Variants in WDR36 observed in about 807,000 individuals in gnomAD.
The protein encoded by WDR36 is WD repeat-containing protein 36.
In WDR36, 63 loss-of-function variants were observed where a neutral mutation model predicts 112.7. That is an observed-to-expected ratio of 0.56 (90% CI 0.46 to 0.69). The LOEUF (loss-of-function observed/expected upper bound fraction) is 0.69. WDR36 is among the 30% of genes least tolerant of loss of function. The pLI is 0.00. For synonymous variants in WDR36, 410 were observed against 362.2 expected, an observed-to-expected ratio of 1.13 and a Z score of -1.50; for missense variants, 1,226 against 1,070.3, an observed-to-expected ratio of 1.15 and a Z score of -2.03.
intron 2 of WDR36, among the ~76,000 whole-genome samples, chr5:111,096,692 A>T (rs138649242): frequency 4.0e-4 from 61 of 152,218 alleles, no homozygotes. Context: ...TGACACAGCA[A>T]GACTCCGTCT....
rs534207330 is a variant in WDR36 at position 111,127,974 on chromosome 5, T to C, written c.*1091T>C. On this transcript the variant is annotated 3_prime_UTR_variant, in exon 23 of 23. Coordinates refer to ENST00000513710, the MANE Select transcript of WDR36 (RefSeq NM_139281.3). Reference sequence around the variant, plus strand: ...ACTTTTTTGGGGGGGACCTTTTAATTTGGGAAGAAAATGCTGAGTATACTT... The same window carrying C: ...ACTTTTTTGGGGGGGACCTTTTAATCTGGGAAGAAAATGCTGAGTATACTT... The C allele has an allele frequency of 4.8e-6, 1 of 206,282 alleles. No homozygotes were observed. Among genetic ancestry groups the C allele is most frequent in the African/African-American group, 2.3e-5 (1 of 43,884 alleles). 12.8% of individuals were successfully genotyped at this position (206,282 alleles called of 1,614,324 possible).
intron 2 of WDR36, 162 bp from the exon 3 acceptor site, chr5:111,096,917 T>G (rs1752998915): frequency 3.5e-6 from 2 of 564,150 alleles, no homozygotes; most frequent in South Asian, 4.4e-5. Flanking sequence ...CTATTAGATA[T>G]CTAAAATATT....
At chr5:111,123,031 C>T (rs915760194) in intron 19 of WDR36, among the ~76,000 whole-genome samples, 9 of 151,994 alleles carry the variant, frequency 5.9e-5, no homozygotes, top group Admixed American at 2.0e-4. Context: ...ATTGCTTGAA[C>T]CCGGGAGGCG....
Position 111,110,786 on chromosome 5 carries a change from AG to A in WDR36, c.1442-1del. Reference sequence around the variant, plus strand: ...TTTTTTCTTTTGACATCTACCTTACAGCTCACAAGGGATCTGTTAGAGGTGT... The same window carrying A: ...TTTTTTCTTTTGACATCTACCTTACACTCACAAGGGATCTGTTAGAGGTGT... On this transcript the variant is annotated splice_acceptor_variant, in intron 13 of 22. Transcript: ENST00000513710. LOFTEE classifies it high-confidence loss of function. 6.2e-7 allele frequency: 1 copy of A among 1,610,122 alleles called. No homozygotes were observed. Among genetic ancestry groups the A allele is most frequent in the South Asian group, 1.1e-5 (1 of 90,902 alleles).
rs745377435 is a variant in WDR36, at chr5:111,100,659, C to T, written c.480C>T (p.Tyr160=). 1.2e-5 allele frequency: 20 copies of T among 1,607,860 alleles called. No homozygotes were observed. The South Asian group carries it at 2.1e-4, about 17-fold the overall frequency. The change falls in exon 5 of 23, where the codon TAC becomes TAT. Residue 160 remains tyrosine, a synonymous_variant. Coordinates refer to ENST00000513710, the MANE Select transcript of WDR36 (RefSeq NM_139281.3). ...KISAILHPST[Y]LNKILLGSEQ... ...CTGCAATTTTGCATCCAAGTACCTA[C>T]TTGAATAAAATACTTCTGGGCAGTG...
At chr5:111,105,420 AAAC>A in intron 10 of WDR36, 60 bp downstream of exon 10, 1 of 1,474,558 alleles carries the variant, frequency 6.8e-7, no homozygotes, top group Non-Finnish European at 9.5e-7. Flanking sequence ...ACATTCTATG[AAAC>A]AACTGGAGGA....
chr5:111,124,748 T>G (rs1039492509), intron 21 of WDR36, among the ~76,000 whole-genome samples: 1 of 152,206 alleles, frequency 6.6e-6, no homozygotes, highest in African/African-American at 2.4e-5. Flanking sequence ...CCTAATAATT[T>G]TAACTTGTCC....
chr5:111,095,682 T>C (rs1309327014), intron 2 of WDR36, among the ~76,000 whole-genome samples: 1 of 152,210 alleles, frequency 6.6e-6, no homozygotes, highest in Non-Finnish European at 1.5e-5. Flanking sequence ...CACCTGGTTA[T>C]ACATATAGTC....
chr5:111,112,047 C>T (rs1444643031), intron 15 of WDR36, among the ~76,000 whole-genome samples: 1 of 151,784 alleles, frequency 6.6e-6, no homozygotes, highest in Non-Finnish European at 1.5e-5. Flanking sequence ...AAAACATGGT[C>T]AGGACATTGT....
In WDR36 at chr5:111,110,114, A is replaced by C. The variant is rs1361172939; in HGVS notation, c.1327-75A>C. On this transcript the variant is annotated intron_variant, in intron 12 of 22. Transcript: ENST00000513710. ...TAAATAAAAAGGAACAAGTAGATAA[A>C]AAAATGCTTTGGAAAGCATAAAGTG... 9.8e-6 allele frequency: 10 copies of C among 1,019,484 alleles called. No homozygotes were observed. In the East Asian group the frequency reaches 2.4e-4, roughly 25 times the overall value. 63.2% of individuals were successfully genotyped at this position (1,019,484 alleles called of 1,614,324 possible).
chr5:111,099,650 G>A (rs1353764926), intron 4 of WDR36, among the ~76,000 whole-genome samples: 1 of 151,734 alleles, frequency 6.6e-6, no homozygotes, highest in Non-Finnish European at 1.5e-5. Context: ...TAGGTTACAG[G>A]ATCTGGTTCT....
At chr5:111,115,941 C>A (rs1419459518) in intron 16 of WDR36, among the ~76,000 whole-genome samples, 2 of 151,782 alleles carry the variant, frequency 1.3e-5, no homozygotes, top group African/African-American at 2.4e-5. Flanking sequence ...AGATTGAATT[C>A]TTTCTTATTT....
chr5:111,104,209 T>C lies in WDR36; in HGVS notation c.763T>C (p.Cys255Arg), dbSNP rs1753176258. Residue 255 changes from cysteine (C) to arginine (R), a missense_variant, in exon 8 of 23, where the codon TGT becomes CGT. Transcript: ENST00000513710. ...GHPVMAAGSP[C>R]GHIGLWDLED... ...TCCAGTAATGGCAGCTGGAAGCCCA[T>C]GTGGCCATATTGGACTCTGGGATCT... The C allele has an allele frequency of 6.2e-7, 1 of 1,611,484 alleles. No individual in the cohort carries two copies. Among genetic ancestry groups the C allele is most frequent in the Admixed American group, 1.7e-5 (1 of 59,730 alleles).
chr5:111,103,686 C>T (rs1697884585), intron 6 of WDR36, 100 bp from the exon 7 acceptor site: 2 of 1,460,418 alleles, frequency 1.4e-6, no homozygotes, highest in East Asian at 2.3e-5. Flanking sequence ...GAAGATACTT[C>T]ATTATTTCTT....
At chr5:111,096,856 C>T (rs1380559250) in intron 2 of WDR36, among the ~76,000 whole-genome samples, 2 of 152,162 alleles carry the variant, frequency 1.3e-5, no homozygotes, top group South Asian at 2.1e-4. Flanking sequence ...AAATCCTAGA[C>T]ATTCTCTTAG....
chr5:111,125,683 A>G lies in WDR36; in HGVS notation c.2426A>G (p.Asp809Gly). ...ACAGAGCTGCGAAGCTTGTCTCCTG[A>G]TTGTGGTGGGTCCATAGAAGTTATG... ...IETELRSLSP[D>G]CGGSIEVMQS... is the part of the protein sequence containing the mutation. The change falls in exon 22 of 23, where the codon GAT (aspartate) becomes GGT (glycine). Residue 809 changes from aspartate (D) to glycine (G), a missense_variant. Physicochemically the swap from Asp to Gly is moderately conservative, Grantham distance 94 (BLOSUM62 -1). Coordinates refer to ENST00000513710, the MANE Select transcript of WDR36 (RefSeq NM_139281.3). The G allele has an allele frequency of 6.2e-7, 1 of 1,613,912 alleles. No homozygotes were observed. Among genetic ancestry groups the G allele is most frequent in the Non-Finnish European group, 8.5e-7 (1 of 1,179,866 alleles).
chr5:111,105,483 T>A, intron 10 of WDR36, 123 bp downstream of exon 10: 1 of 867,692 alleles, frequency 1.2e-6, no homozygotes. Flanking sequence ...GATAAACATG[T>A]ATGGAAGAGG....
intron 11 of WDR36, among the ~76,000 whole-genome samples, chr5:111,106,623 T>C (rs1223100211): frequency 6.6e-6 from 1 of 151,458 alleles, no homozygotes; most frequent in Admixed American, 6.6e-5. Flanking sequence ...AGAGGCACCA[T>C]TTCTATTTGA....
At chr5:111,117,450 A>G (rs1320577902) in intron 16 of WDR36, among the ~76,000 whole-genome samples, 2 of 152,180 alleles carry the variant, frequency 1.3e-5, no homozygotes, top group Non-Finnish European at 2.9e-5. Flanking sequence ...TCACTGATGT[A>G]GGCATACCCT....
Sources: gnomAD v4.1 joint callset for allele counts (sites outside exome capture counted in the v4.1 genomes callset) on GRCh38, gnomAD v4.1.1 for gene constraint, MANE v1.5 for transcripts, NCBI Gene and HGNC (gene_info 2026-07-23, HGNC 2026-07-21) for gene names.